Variants in ICA1 observed in about 807,000 individuals in gnomAD.
ICA1 encodes 69 kDa islet cell autoantigen.
In ICA1, 40 loss-of-function variants were observed where a neutral mutation model predicts 71.0. That is an observed-to-expected ratio of 0.56 (90% CI 0.44 to 0.73). The LOEUF is 0.73. ICA1 is among the 30% of genes least tolerant of loss of function. The pLI is 0.00. For missense variants in ICA1, 578 were observed against 576.5 expected, an observed-to-expected ratio of 1.00 and a Z score of -0.03; for synonymous variants, 207 against 209.5, an observed-to-expected ratio of 0.99 and a Z score of 0.10.
At position 8,218,298 on chromosome 7, in the gene ICA1, C is replaced by T. The variant is rs373717324; in HGVS notation, c.579+7G>A. 1.1e-5 allele frequency: 18 copies of T among 1,613,776 alleles called. No homozygotes were observed. The African/African-American group carries it at 1.7e-4, about 16-fold the overall frequency. ...CCCCTTCTGCTAACCCTCATAAAAC[C>T]TCCTACCTTCCTGAACTTCTCCATT... is the stretch of plus-strand genomic sequence containing the variant. On this transcript the variant is annotated splice_region_variant and intron_variant, in intron 6 of 13. Transcript: ENST00000402384.
At chr7:8,114,140 G>T in intron 13 of ICA1, 96 bp from the exon 14 acceptor site, 3 of 1,334,086 alleles carry the variant, frequency 2.2e-6, no homozygotes, top group Non-Finnish European at 3.2e-6. Flanking sequence ...TTCAAATGCA[G>T]ATTGTTCAAT....
chr7:8,129,378 A>ATTTTTTT (rs1262253733), intron 12 of ICA1, among the ~76,000 whole-genome samples: 1 of 143,628 alleles, frequency 7.0e-6, no homozygotes, highest in African/African-American at 2.5e-5. Context: ...TTTTTTTTTA[A>ATTTTTTT]AAAAAAAAAA....
intron 6 of ICA1, among the ~76,000 whole-genome samples, chr7:8,216,198 T>A (rs1453492062): frequency 6.6e-6 from 1 of 152,222 alleles, no homozygotes; most frequent in Admixed American, 6.5e-5. Context: ...CCTGGAATCT[T>A]GTCATCTGTT....
intron 1 of ICA1, among the ~76,000 whole-genome samples, chr7:8,241,436 T>C (rs1161522106): frequency 2.0e-5 from 3 of 152,154 alleles, no homozygotes; most frequent in African/African-American, 4.8e-5. Context: ...TGGAAAGGAA[T>C]GACTGGTACC....
chr7:8,135,659 G>T (rs1170655372), intron 12 of ICA1, among the ~76,000 whole-genome samples: 1 of 152,154 alleles, frequency 6.6e-6, no homozygotes, highest in Non-Finnish European at 1.5e-5. Context: ...CACACCTATG[G>T]TACCTACTGA....
chr7:8,253,891 T>C (rs1393073972), intron 1 of ICA1, among the ~76,000 whole-genome samples: 1 of 152,196 alleles, frequency 6.6e-6, no homozygotes, highest in Admixed American at 6.5e-5. Context: ...ACCAAGAGTA[T>C]GAATGTGGGG....
chr7:8,174,519 C>T (rs529280865), intron 6 of ICA1, among the ~76,000 whole-genome samples: 5 of 151,754 alleles, frequency 3.3e-5, no homozygotes, highest in African/African-American at 9.7e-5. Context: ...GAAAGCTGGG[C>T]GTGGTGGTTC....
chr7:8,146,019 C>T (rs568408044), intron 8 of ICA1, among the ~76,000 whole-genome samples: 4 of 152,220 alleles, frequency 2.6e-5, no homozygotes, highest in East Asian at 1.9e-4. Flanking sequence ...AAAGCACATC[C>T]GTAAGGCACT....
At chr7:8,195,565 C>T (rs1787181089) in intron 6 of ICA1, among the ~76,000 whole-genome samples, 1 of 151,840 alleles carries the variant, frequency 6.6e-6, no homozygotes, top group Non-Finnish European at 1.5e-5. Context: ...AAAACAAAAA[C>T]AAAAACAAAA....
intron 6 of ICA1, among the ~76,000 whole-genome samples, chr7:8,184,144 TA>T (rs1294236763): frequency 2.0e-5 from 3 of 152,254 alleles, no homozygotes; most frequent in Non-Finnish European, 4.4e-5. Flanking sequence ...AGCAAGGTCA[TA>T]ATCACTGTGC....
At position 8,195,877 on chromosome 7, in the gene ICA1, C is replaced by A. The variant is rs189641161; in HGVS notation, c.579+22428G>T. ...CCTGTAGTCCCAGCTACTCGGGAGG[C>A]TGAGGCAGGAGAATTGCTTGAACCC... is the stretch of plus-strand genomic sequence containing the variant. On this transcript the variant is annotated intron_variant, in intron 6 of 13. Coordinates refer to ENST00000402384, the MANE Select transcript of ICA1 (RefSeq NM_001136020.3). 1.7e-3 allele frequency among the ~76,000 whole-genome samples: 265 copies of A among 152,226 alleles called. 2 individuals are homozygous for A. The East Asian group carries it at 0.035, about 20-fold the overall frequency.
chr7:8,114,319 T>C (rs1193704022), intron 13 of ICA1, among the ~76,000 whole-genome samples: 1 of 152,142 alleles, frequency 6.6e-6, no homozygotes, highest in African/African-American at 2.4e-5. Flanking sequence ...CCATAGCCCA[T>C]GAAAAGCTGA....
At chr7:8,244,073 G>A (rs1230826858) in intron 1 of ICA1, among the ~76,000 whole-genome samples, 3 of 152,086 alleles carry the variant, frequency 2.0e-5, no homozygotes, top group African/African-American at 7.2e-5. Context: ...AAGTTCATAT[G>A]GAATCAAAAA....
At chr7:8,200,763 G>T (rs1273717864) in intron 6 of ICA1, among the ~76,000 whole-genome samples, 2 of 152,214 alleles carry the variant, frequency 1.3e-5, no homozygotes, top group African/African-American at 4.8e-5. Flanking sequence ...AATATTAGTT[G>T]AGTTTTGAGC....
chr7:8,168,831 C>T (rs564202652), intron 6 of ICA1, among the ~76,000 whole-genome samples: 1 of 152,050 alleles, frequency 6.6e-6, no homozygotes, highest in Non-Finnish European at 1.5e-5. Context: ...CCTCTATTTC[C>T]TTCATTATCA....
In ICA1 at chr7:8,138,843, C is replaced by G. The variant is rs143861719; in HGVS notation, c.1057G>C (p.Gly353Arg). The stretch of plus-strand genomic sequence containing the variant: ...CAAAGAAACACATAAATCTTACCAC[C>G]TTCCTCAGATTTCATGTCTAATAGT... ...DELLDMKSEE[G>R]ACLGPVAGTP... Residue 353 changes from glycine to arginine, a missense_variant, in exon 12 of 14, where the codon GGT (glycine) becomes CGT (arginine). Coordinates refer to ENST00000402384, the MANE Select transcript of ICA1 (RefSeq NM_001136020.3). The G allele has an allele frequency of 8.7e-4, 1,393 of 1,600,790 alleles. 1 individual carries two copies. Among genetic ancestry groups the G allele is most frequent in the Non-Finnish European group, 1.1e-3 (1,297 of 1,169,384 alleles).
At position 8,113,946 on chromosome 7, in the gene ICA1, C is replaced by A; in HGVS notation, c.1429G>T (p.Glu477Ter). The part of the protein sequence containing the change: ...NPDAVGKTDK[E>*]HELLNA ...ATTCATGCATTGAGCAATTCGTGTT[C>A]TTTATCGGTTTTCCCAACAGCATCA... The change falls in exon 14 of 14, where the codon GAA becomes TAA. Residue 477 changes from glutamate to a stop codon, truncating the protein, a stop_gained. Transcript: ENST00000402384. LOFTEE classifies it high-confidence loss of function. This position sits in a 1 kb window ranked among gnomAD's most constrained non-coding sequence, Gnocchi z 4.2. 1 of 1,614,162 alleles carries A rather than the reference C, an allele frequency of 6.2e-7. No individual in the cohort carries two copies. Among genetic ancestry groups the A allele is most frequent in the South Asian group, 1.1e-5 (1 of 91,076 alleles).
chr7:8,238,673 T>C (rs1802669903), intron 1 of ICA1, among the ~76,000 whole-genome samples: 1 of 152,364 alleles, frequency 6.6e-6, no homozygotes, highest in Admixed American at 6.5e-5. Flanking sequence ...TGCCTTTTAA[T>C]TTAAATCCTT....
intron 6 of ICA1, among the ~76,000 whole-genome samples, chr7:8,201,352 T>C (rs1453594892): frequency 1.3e-5 from 2 of 152,156 alleles, no homozygotes; most frequent in African/African-American, 4.8e-5. Flanking sequence ...CTACACTTCG[T>C]ATTATGGTGG....
Sources: gnomAD v4.1 joint callset for allele counts (sites outside exome capture counted in the v4.1 genomes callset) on GRCh38, gnomAD v4.1.1 for gene constraint, Gnocchi (gnomAD v3.1) non-coding constraint, MANE v1.5 for transcripts, NCBI Gene and HGNC (gene_info 2026-07-23, HGNC 2026-07-21) for gene names.